ZFPM2: variants seen among roughly 807,000 people sequenced by gnomAD.
ZFPM2 encodes zinc finger protein, FOG family member 2.
A neutral mutation model predicts 98.6 loss-of-function variants in ZFPM2; 20 were observed. The observed-to-expected ratio is 0.20, with a 90% CI of 0.14 to 0.29. The LOEUF (loss-of-function observed/expected upper bound fraction) is 0.29, where lower values mean the gene tolerates loss of function less well. Ranked by LOEUF, ZFPM2 falls within the 10% of genes least tolerant of loss-of-function variation. The pLI, the probability that ZFPM2 is intolerant of heterozygous loss-of-function variation, is 1.00. For synonymous variants in ZFPM2, 518 were observed against 502.7 expected (o/e 1.03, Z -0.41); for missense variants, 1,310 against 1,388.6 (o/e 0.94, Z 0.90).
chr8:105,776,305 G>A (rs1813103957), intron 5 of ZFPM2, among the ~76,000 whole-genome samples: 1 of 152,064 alleles, frequency 6.6e-6, no homozygotes, highest in Non-Finnish European at 1.5e-5. Flanking sequence ...TAATGAGGCT[G>A]TTCATGTTTC....
chr8:105,779,238 C>T lies in ZFPM2; in HGVS notation c.533-9480C>T, dbSNP rs553726213. 7.9e-5 allele frequency among the ~76,000 whole-genome samples: 12 copies of T among 152,186 alleles called. No homozygotes were observed. The East Asian group carries it at 2.3e-3, about 29-fold the overall frequency. On this transcript the variant is annotated intron_variant, in intron 5 of 7. Coordinates refer to ENST00000407775, the MANE Select transcript of ZFPM2 (RefSeq NM_012082.4). ...CTCCTTATCCTACTTTATATTGAGGCAGAGTAATACAAAATCTAAATGTGA... is the reference window on the plus strand; with the variant it reads ...CTCCTTATCCTACTTTATATTGAGGTAGAGTAATACAAAATCTAAATGTGA...
At chr8:105,368,796 C>A (rs560765896) in intron 1 of ZFPM2, among the ~76,000 whole-genome samples, 1 of 152,238 alleles carries the variant, frequency 6.6e-6, no homozygotes, top group Non-Finnish European at 1.5e-5. Flanking sequence ...TGTGTTGGCA[C>A]AGCCCATCAG....
intron 6 of ZFPM2, among the ~76,000 whole-genome samples, chr8:105,795,330 T>TTCAAG (rs568059608): frequency 0.011 from 1,529 of 142,436 alleles, 7 homozygotes; most frequent in Non-Finnish European, 0.017. Context: ...CTGCAACCAT[T>TTCAAG]TCAAGTCAGA....
At chr8:105,341,114 G>T in intron 1 of ZFPM2, among the ~76,000 whole-genome samples, 1 of 151,880 alleles carries the variant, frequency 6.6e-6, no homozygotes, top group Non-Finnish European at 1.5e-5. Context: ...AAGCAGATGT[G>T]TCAGAAATGG....
intron 2 of ZFPM2, among the ~76,000 whole-genome samples, chr8:105,438,717 A>T (rs2130180288): frequency 6.6e-6 from 1 of 152,278 alleles, no homozygotes; most frequent in South Asian, 2.1e-4. Context: ...GTTCATAGGA[A>T]CTTAGTCAAT....
intron 3 of ZFPM2, among the ~76,000 whole-genome samples, chr8:105,555,610 A>G (rs550275132): frequency 6.6e-6 from 1 of 152,302 alleles, no homozygotes; most frequent in East Asian, 1.9e-4. Flanking sequence ...TATTAAAGAA[A>G]TTTGTAGATT....
At chr8:105,751,396 C>T (rs569033308) in intron 5 of ZFPM2, among the ~76,000 whole-genome samples, 9 of 152,126 alleles carry the variant, frequency 5.9e-5, no homozygotes, top group East Asian at 5.8e-4. Context: ...CAGATTGTAA[C>T]GAATGTTTGT....
chr8:105,538,633 T>C lies in ZFPM2; in HGVS notation c.302-22730T>C, dbSNP rs535177786. On this transcript the variant is annotated intron_variant, in intron 3 of 7. Coordinates refer to ENST00000407775, the MANE Select transcript of ZFPM2 (RefSeq NM_012082.4). ...TCCGTGACTTTATTCCATATTATTA[T>C]GGGCTTTTTTTTTTAGTCTTCCAAG... Among the ~76,000 whole-genome samples, 37 of 152,214 alleles carry C rather than the reference T, an allele frequency of 2.4e-4. No individual in the cohort carries two copies. The East Asian group carries it at 3.5e-3, about 14-fold the overall frequency.
rs111583549 is a variant in ZFPM2, at chr8:105,608,222, T to C, written c.421-26024T>C. ...GAGAGAGAAGCAGAAAAGATAACTG[T>C]TGGGTACGGGGCTTAGTAACTGGGT... On this transcript the variant is annotated intron_variant, in intron 4 of 7. Coordinates refer to ENST00000407775, the MANE Select transcript of ZFPM2 (RefSeq NM_012082.4). 2.4e-3 allele frequency among the ~76,000 whole-genome samples: 364 copies of C among 152,220 alleles called. 2 individuals are homozygous for C. The highest frequency in any genetic ancestry group is 8.2e-3 in the African/African-American group (342 of 41,538).
intron 1 of ZFPM2, among the ~76,000 whole-genome samples, chr8:105,379,957 A>G (rs1427336800): frequency 1.3e-5 from 2 of 152,120 alleles, no homozygotes; most frequent in Admixed American, 1.3e-4. Context: ...GATCTTATTC[A>G]TTATTGTAGT....
intron 4 of ZFPM2, among the ~76,000 whole-genome samples, chr8:105,615,736 G>A (rs1478001607): frequency 1.3e-5 from 2 of 152,098 alleles, no homozygotes; most frequent in African/African-American, 4.8e-5. Flanking sequence ...ACATTGTGGA[G>A]TCTTGGTCTT....
At chr8:105,792,828 A>C (rs1013590805) in intron 6 of ZFPM2, among the ~76,000 whole-genome samples, 1 of 152,220 alleles carries the variant, frequency 6.6e-6, no homozygotes, top group Non-Finnish European at 1.5e-5. Context: ...TCATCCCTTT[A>C]CCATTATGTA....
At chr8:105,479,257 G>T (rs1813069631) in intron 3 of ZFPM2, among the ~76,000 whole-genome samples, 1 of 152,154 alleles carries the variant, frequency 6.6e-6, no homozygotes, top group Non-Finnish European at 1.5e-5. Context: ...AGACATGAAG[G>T]TGTTTCATTT....
chr8:105,398,873 CTG>C (rs751135005), intron 1 of ZFPM2, among the ~76,000 whole-genome samples: 4 of 152,126 alleles, frequency 2.6e-5, no homozygotes, highest in Non-Finnish European at 5.9e-5. Context: ...ACAATAAAAA[CTG>C]TGCTGAGATA....
intron 5 of ZFPM2, among the ~76,000 whole-genome samples, chr8:105,648,569 A>G (rs74947728): frequency 0.48 from 72,300 of 151,958 alleles, 17,490 homozygotes; most frequent in African/African-American, 0.56. Flanking sequence ...GTGTAAGGAA[A>G]GGATCCAGTT....
chr8:105,768,989 A>T (rs186864826), intron 5 of ZFPM2, among the ~76,000 whole-genome samples: 1 of 152,062 alleles, frequency 6.6e-6, no homozygotes, highest in Admixed American at 6.6e-5. Flanking sequence ...GAAACATTGA[A>T]TGGAGTAAGA....
chr8:105,587,270 C>T (rs1476512937), intron 4 of ZFPM2, among the ~76,000 whole-genome samples: 1 of 122,114 alleles, frequency 8.2e-6, no homozygotes, highest in Non-Finnish European at 1.6e-5. Flanking sequence ...GAGCAAGACT[C>T]TGTCTCAGAA....
chr8:105,751,699 T>C (rs1294930338), intron 5 of ZFPM2, among the ~76,000 whole-genome samples: 1 of 151,952 alleles, frequency 6.6e-6, no homozygotes, highest in Non-Finnish European at 1.5e-5. Context: ...CTCATTTTCT[T>C]AAGCAAAAAA....
At chr8:105,328,187 A>G in intron 1 of ZFPM2, among the ~76,000 whole-genome samples, 1 of 151,834 alleles carries the variant, frequency 6.6e-6, no homozygotes, top group South Asian at 2.1e-4. Context: ...AAGAAATTTT[A>G]TGCTGTTTTT....
Sources: allele counts gnomAD v4.1 joint callset (sites outside exome capture counted in the v4.1 genomes callset), GRCh38; gene constraint gnomAD v4.1.1; transcripts MANE v1.5; gene names NCBI Gene and HGNC (gene_info 2026-07-23, HGNC 2026-07-21).